The following APOA5 variants were observed in gnomAD, a reference collection of about 807,000 sequenced individuals.
The protein encoded by APOA5 is apolipoprotein A5.
In APOA5, 26 loss-of-function variants were observed where a neutral mutation model predicts 31.8. The ratio of observed to expected loss-of-function variants is 0.82; its 90% CI spans 0.60 to 1.13. The LOEUF (loss-of-function observed/expected upper bound fraction) is 1.13, where lower values mean the gene tolerates loss of function less well. Among genes scored for constraint, APOA5 ranks in the 50% most tolerant of loss-of-function variants. The pLI, the probability that APOA5 is intolerant of heterozygous loss-of-function variation, is 0.00. For missense variants in APOA5, 450 were observed against 488.0 expected (o/e 0.92, Z 0.73); for synonymous variants, 186 against 198.5 (o/e 0.94, Z 0.53).
At chr11:116,791,537 G>A in intron 2 of APOA5, 49 bp downstream of exon 2, 1 of 1,529,172 alleles carries the variant, frequency 6.5e-7, no homozygotes, top group East Asian at 2.4e-5. Flanking sequence ...TCATGGCATG[G>A]CCCAGCTGTC....
rs746148058 is a variant in APOA5, at chr11:116,790,564, G to A, written c.665C>T (p.Ala222Val). Reference sequence around the variant, plus strand: ...CACCTGCACGCAGCGACTGAGGCGCGCGGGGCTGGCGGGGGCGTGCGGAGC... The same window carrying A: ...CACCTGCACGCAGCGACTGAGGCGCACGGGGCTGGCGGGGGCGTGCGGAGC... The part of the protein sequence containing the change: ...SVAPHAPASP[A>V]RLSRCVQVLS... The change falls in exon 3 of 3, where the codon GCG becomes GTG. Residue 222 changes from alanine to valine, a missense_variant. Ala to Val is a moderately conservative substitution (Grantham distance 64, BLOSUM62 0). Coordinates refer to ENST00000227665, the MANE Select transcript of APOA5 (RefSeq NM_001371904.1). The A allele has an allele frequency of 1.9e-6, 3 of 1,600,056 alleles. No individual in the cohort carries two copies. Among genetic ancestry groups the A allele is most frequent in the Non-Finnish European group, 2.5e-6 (3 of 1,177,132 alleles).
Position 116,790,454 on chromosome 11 carries a change from T to A in APOA5, c.775A>T (p.Arg259Ter), listed in dbSNP as rs758216033. Residue 259 changes from arginine (R) to a stop codon, truncating the protein, a stop_gained, in exon 3 of 3, where the codon AGA becomes TGA. Transcript: ENST00000227665. LOFTEE classifies it high-confidence loss of function. ...NLDQLREELS[R>*]AFAGTGTEEG... ...TCAGTCCCAGTGCCTGCAAAGGCTC[T>A]GCTGAGCTCTTCGCGCAGCTGGTCC... 2 of 1,603,968 alleles carry A rather than the reference T, an allele frequency of 1.2e-6. No individual in the cohort carries two copies. The highest frequency in any genetic ancestry group is 3.3e-5 in the Admixed American group (2 of 60,008).
Position 116,790,574 on chromosome 11 carries a change from C to G in APOA5, c.655G>C (p.Ala219Pro). ...CAGCGACTGAGGCGCGCGGGGCTGG[C>G]GGGGGCGTGCGGAGCCACACTGCGG... Reference protein sequence around the residue: ...LHRSVAPHAPASPARLSRCVQ... With the variant: ...LHRSVAPHAPPSPARLSRCVQ... Residue 219 changes from alanine (A) to proline (P), a missense_variant, in exon 3 of 3, where the codon GCC becomes CCC. Coordinates refer to ENST00000227665, the MANE Select transcript of APOA5 (RefSeq NM_001371904.1). 2 of 1,596,660 alleles carry G rather than the reference C, an allele frequency of 1.3e-6. No homozygotes were observed. Among genetic ancestry groups the G allele is most frequent in the Non-Finnish European group, 1.7e-6 (2 of 1,176,362 alleles).
intron 2 of APOA5, chr11:116,791,379 G>T (rs375639199): frequency 2.8e-6 from 2 of 714,100 alleles, no homozygotes; most frequent in African/African-American, 1.7e-5. Context: ...GAGCAAGGGG[G>T]CAACAGCTAC....
At chr11:116,791,541 A>C (rs942921739) in intron 2 of APOA5, 45 bp downstream of exon 2, 2 of 1,542,366 alleles carry the variant, frequency 1.3e-6, no homozygotes, top group East Asian at 4.8e-5. Flanking sequence ...GGCATGGCCC[A>C]GCTGTCTCCT....
rs1225910949 is a variant in APOA5, at chr11:116,789,788, T to G, written c.*340A>C. The G allele has an allele frequency of 5.0e-6, 2 of 401,952 alleles. No individual in the cohort carries two copies. Among genetic ancestry groups the G allele is most frequent in the East Asian group, 1.1e-4 (2 of 17,868 alleles). The allele number at this position is 401,952 out of a possible 1,614,324, so 24.9% of individuals were successfully genotyped here. ...ACTCCAGGATGTAGTGGCACAGGCTTCCAGCATCACGGCAAACAGGCTTGC... is the reference window on the plus strand; with the variant it reads ...ACTCCAGGATGTAGTGGCACAGGCTGCCAGCATCACGGCAAACAGGCTTGC... On this transcript the variant is annotated 3_prime_UTR_variant, in exon 3 of 3. Coordinates refer to ENST00000227665, the MANE Select transcript of APOA5 (RefSeq NM_001371904.1).
rs757598085 is a variant in APOA5 at position 116,790,227 on chromosome 11, G to T, written c.1002C>A (p.Gly334=). The change falls in exon 3 of 3, where the codon GGC becomes GGA. Residue 334 remains glycine (G), a synonymous_variant. Transcript: ENST00000227665. ...FAPEFQQTDS[G]KVLSKLQARL... is the part of the protein sequence containing the mutation. ...GGGCCTGCAGCTTGCTCAGAACCTTGCCACTGTCTGTTTGTTGAAACTCTG... is the reference window on the plus strand; with the variant it reads ...GGGCCTGCAGCTTGCTCAGAACCTTTCCACTGTCTGTTTGTTGAAACTCTG... 25 of 1,614,152 alleles carry T rather than the reference G, an allele frequency of 1.5e-5. No homozygotes were observed. Among genetic ancestry groups the T allele is most frequent in the Non-Finnish European group, 1.9e-5 (23 of 1,180,052 alleles).
At chr11:116,791,728 G>C in intron 1 of APOA5, 31 bp from the exon 2 acceptor site, 1 of 1,610,464 alleles carries the variant, frequency 6.2e-7, no homozygotes. Flanking sequence ...ATCAGGGCCT[G>C]GGCTCTCCTC....
Position 116,790,274 on chromosome 11 carries a change from G to T in APOA5, c.955C>A (p.Pro319Thr). 6.2e-7 allele frequency: 1 copy of T among 1,614,260 alleles called. No individual in the cohort carries two copies. Among genetic ancestry groups the T allele is most frequent in the Admixed American group, 1.7e-5 (1 of 60,036 alleles). Residue 319 changes from proline to threonine, a missense_variant, in exon 3 of 3, where the codon CCA (proline) becomes ACA (threonine). Transcript: ENST00000227665. ...EVQQQLAPPP[P>T]GHSAFAPEFQ... ...TCTGGGGCGAAGGCACTGTGGCCTG[G>T]TGGAGGTGGCGCCAGCTGCTGCTGG...
Position 116,789,772 on chromosome 11 carries a change from T to G in APOA5, c.*356A>C. On this transcript the variant is annotated 3_prime_UTR_variant, in exon 3 of 3. Transcript: ENST00000227665. The stretch of plus-strand genomic sequence containing the variant: ...AAGTGACTAGAGCCAAACTCCAGGA[T>G]GTAGTGGCACAGGCTTCCAGCATCA... 2.6e-6 allele frequency: 1 copy of G among 378,332 alleles called. No individual in the cohort carries two copies. Among genetic ancestry groups the G allele is most frequent in the Non-Finnish European group, 5.1e-6 (1 of 197,892 alleles). 23.4% of individuals were successfully genotyped at this position (378,332 alleles called of 1,614,324 possible).
Position 116,790,328 on chromosome 11 carries a change from G to C in APOA5, c.901C>G (p.Arg301Gly), listed in dbSNP as rs898806853. 4 of 1,614,080 alleles carry C rather than the reference G, an allele frequency of 2.5e-6. No homozygotes were observed. The African/African-American group carries it at 5.3e-5, about 22-fold the overall frequency. The change falls in exon 3 of 3, where the codon CGC (arginine) becomes GGC (glycine). Residue 301 changes from arginine (R) to glycine (G), a missense_variant. Coordinates refer to ENST00000227665, the MANE Select transcript of APOA5 (RefSeq NM_001371904.1). ...DTYLQIAAFT[R>G]AIDQETEEVQ... is the part of the protein sequence containing the mutation. The stretch of plus-strand genomic sequence containing the variant: ...TCCTCAGTCTCCTGGTCGATGGCGC[G>C]AGTGAAGGCAGCTATCTGCAGGTAG...
Position 116,790,330 on chromosome 11 carries a change from G to T in APOA5, c.899C>A (p.Thr300Asn). 6.2e-7 allele frequency: 1 copy of T among 1,614,210 alleles called. No homozygotes were observed. The highest frequency in any genetic ancestry group is 8.5e-7 in the Non-Finnish European group (1 of 1,180,052). Residue 300 changes from threonine (T) to asparagine (N), a missense_variant, in exon 3 of 3, where the codon ACT becomes AAT. By Grantham distance (65) the Thr-to-Asn change is moderately conservative. Transcript: ENST00000227665. ...QDTYLQIAAFTRAIDQETEEV... is the reference protein window; with the variant it reads ...QDTYLQIAAFNRAIDQETEEV... ...CTCAGTCTCCTGGTCGATGGCGCGA[G>T]TGAAGGCAGCTATCTGCAGGTAGGT...
At chr11:116,791,881 G>GT (rs1941020991), upstream of APOA5, 7 of 1,613,912 alleles carry the variant, frequency 4.3e-6, no homozygotes, top group Admixed American at 1.7e-5. Flanking sequence ...GAGAAGACAG[G>GT]TGGAGGGAGG....
chr11:116,790,040 G>T lies in APOA5; in HGVS notation c.*88C>A. ...GGACCTTCCACCCTCCACCCAACAG[G>T]CCACTTTCAAGGACTGAACCATGCT... On this transcript the variant is annotated 3_prime_UTR_variant, in exon 3 of 3. Coordinates refer to ENST00000227665, the MANE Select transcript of APOA5 (RefSeq NM_001371904.1). 1.4e-6 allele frequency: 2 copies of T among 1,433,276 alleles called. No individual in the cohort carries two copies. The highest frequency in any genetic ancestry group is 1.9e-6 in the Non-Finnish European group (2 of 1,038,508). The allele number at this position is 1,433,276 out of a possible 1,614,324, so 88.8% of individuals were successfully genotyped here.
rs1940993676 is a variant in APOA5 at position 116,790,770 on chromosome 11, C to G, written c.459G>C (p.Val153=). ...ACTGGGCCTTGGTGTCTTCCCCCAC[C>G]ACGCGCAACTGCTCCTGCAGCTCCT... ...RVQELQEQLR[V]VGEDTKAQLL... is the part of the protein sequence containing the mutation. Residue 153 remains valine (V), a synonymous_variant, in exon 3 of 3, where the codon GTG becomes GTC. Transcript: ENST00000227665. 1.9e-6 allele frequency: 3 copies of G among 1,613,456 alleles called. No individual in the cohort carries two copies. The highest frequency in any genetic ancestry group is 2.5e-6 in the Non-Finnish European group (3 of 1,180,008).
chr11:116,790,363 C>A lies in APOA5; in HGVS notation c.866G>T (p.Arg289Leu), dbSNP rs752093878. ...AGCTATCTGCAGGTAGGTGTCCTGGCGGAAAGCCTGAAGTCGCTGGCGCAC... is the reference window on the plus strand; with the variant it reads ...AGCTATCTGCAGGTAGGTGTCCTGGAGGAAAGCCTGAAGTCGCTGGCGCAC... Reference protein sequence around the residue: ...EEVRQRLQAFRQDTYLQIAAF... With the variant: ...EEVRQRLQAFLQDTYLQIAAF... Residue 289 changes from arginine to leucine, a missense_variant, in exon 3 of 3, where the codon CGC becomes CTC. Arg to Leu is a moderately radical substitution (Grantham distance 102). Coordinates refer to ENST00000227665, the MANE Select transcript of APOA5 (RefSeq NM_001371904.1). 1 of 1,613,606 alleles carries A rather than the reference C, an allele frequency of 6.2e-7. No homozygotes were observed. The highest frequency in any genetic ancestry group is 8.5e-7 in the Non-Finnish European group (1 of 1,180,038).
In APOA5 at chr11:116,791,002, G is replaced by A; in HGVS notation, c.227C>T (p.Pro76Leu). ...CCGAGGAGCCTCGCTCCCACTCAGA[G>A]GCCTCAGCTTTTCCAGGAACTTGTT... ...NMNKFLEKLRPLSGSEAPRLP... is the reference protein window; with the variant it reads ...NMNKFLEKLRLLSGSEAPRLP... The change falls in exon 3 of 3, where the codon CCT becomes CTT. Residue 76 changes from proline (P) to leucine (L), a missense_variant. Coordinates refer to ENST00000227665, the MANE Select transcript of APOA5 (RefSeq NM_001371904.1). 1 of 1,611,268 alleles carries A rather than the reference G, an allele frequency of 6.2e-7. No homozygotes were observed. Among genetic ancestry groups the A allele is most frequent in the African/African-American group, 1.3e-5 (1 of 74,864 alleles).
rs770718046 is a variant in APOA5, at chr11:116,791,181, C to T, written c.162-114G>A. On this transcript the variant is annotated intron_variant, in intron 2 of 2. Coordinates refer to ENST00000227665, the MANE Select transcript of APOA5 (RefSeq NM_001371904.1). ...GGGAACCAAGGACGCAGGGCGTTGGCCCCAGGGTCGAGGGCTCTTGTCCTA... is the reference window on the plus strand; with the variant it reads ...GGGAACCAAGGACGCAGGGCGTTGGTCCCAGGGTCGAGGGCTCTTGTCCTA... 25 of 979,514 alleles carry T rather than the reference C, an allele frequency of 2.6e-5. 1 individual carries two copies. In the South Asian group the frequency reaches 3.4e-4, roughly 14 times the overall value. 60.7% of individuals were successfully genotyped at this position (979,514 alleles called of 1,614,324 possible).
chr11:116,790,380 CT>C lies in APOA5; in HGVS notation c.848del (p.Gln283ArgfsTer14). 1 of 1,612,352 alleles carries C rather than the reference CT, an allele frequency of 6.2e-7. No individual in the cohort carries two copies. The highest frequency in any genetic ancestry group is 8.5e-7 in the Non-Finnish European group (1 of 1,180,040). On this transcript the variant is annotated frameshift_variant, in exon 3 of 3. Coordinates refer to ENST00000227665, the MANE Select transcript of APOA5 (RefSeq NM_001371904.1). LOFTEE classifies it high-confidence loss of function. ...TGTCCTGGCGGAAAGCCTGAAGTCG[CT>C]GGCGCACCTCCTCGGAGAGCATCTG... ...DPQMLSEEVRQRLQAFRQDTY... is the reference protein window; with the variant it reads ...DPQMLSEEVRXRLQAFRQDTY...
Sources: gnomAD v4.1 joint callset for allele counts on GRCh38, gnomAD v4.1.1 for gene constraint, MANE v1.5 for transcripts, NCBI Gene and HGNC (gene_info 2026-07-23, HGNC 2026-07-21) for gene names.